The following NCAPG variants were observed in gnomAD, a reference collection of about 807,000 sequenced individuals.
NCAPG encodes condensin complex subunit 3.
In NCAPG, 69 loss-of-function variants were observed where a neutral mutation model predicts 113.1. The ratio of observed to expected loss-of-function variants is 0.61; its 90% confidence interval spans 0.50 to 0.75. NCAPG has a LOEUF of 0.75. NCAPG is among the 30% of genes least tolerant of loss of function. The probability of loss-of-function intolerance (pLI) is 0.00; values close to 1 mark genes in which losing one functional copy is unlikely to be tolerated. For missense variants in NCAPG, 1,058 were observed against 1,177.0 expected (o/e 0.90, Z 1.48); for synonymous variants, 370 against 415.8 (o/e 0.89, Z 1.34).
intron 7 of NCAPG, among the ~76,000 whole-genome samples, chr4:17,819,876 A>C (rs78249498): frequency 0.022 from 3,336 of 152,308 alleles, 58 homozygotes; most frequent in Middle Eastern, 0.041. Context: ...AGTATCTCAA[A>C]TGTGAGCCAG....
chr4:17,819,306 T>G (rs1048163385), intron 7 of NCAPG, among the ~76,000 whole-genome samples: 2 of 152,174 alleles, frequency 1.3e-5, no homozygotes, highest in African/African-American at 2.4e-5. Context: ...TTGGGATTTT[T>G]GGGGGTTAAT....
chr4:17,830,896 C>T, intron 12 of NCAPG, 101 bp from the exon 13 acceptor site: 1 of 1,224,726 alleles, frequency 8.2e-7, no homozygotes, highest in South Asian at 1.5e-5. Context: ...TTAATACTTA[C>T]CTTTTCTTTA....
rs1436545867 is a variant in NCAPG at position 17,840,164 on chromosome 4, G to A, written c.2722G>A (p.Ala908Thr). Reference sequence around the variant, plus strand: ...AGAATTTGGTGACCAAGCTGAAGCAGCACAGGATGCCACCTTGACTACAAC... The same window carrying A: ...AGAATTTGGTGACCAAGCTGAAGCAACACAGGATGCCACCTTGACTACAAC... ...NKEFGDQAEA[A>T]QDATLTTTTF... Residue 908 changes from alanine (A) to threonine (T), a missense_variant, in exon 18 of 21, where the codon GCA (alanine) becomes ACA (threonine). Coordinates refer to ENST00000251496, the MANE Select transcript of NCAPG (RefSeq NM_022346.5). 2.5e-6 allele frequency: 4 copies of A among 1,610,530 alleles called. No individual in the cohort carries two copies. Among genetic ancestry groups the A allele is most frequent in the Non-Finnish European group, 3.4e-6 (4 of 1,178,490 alleles).
chr4:17,840,723 A>G, intron 19 of NCAPG, 30 bp downstream of exon 19: 1 of 1,361,250 alleles, frequency 7.3e-7, no homozygotes, highest in Non-Finnish European at 9.8e-7. Context: ...TCTTTATGAT[A>G]AAAGTTTTAA....
chr4:17,839,536 G>A (rs897044837), intron 16 of NCAPG, 140 bp from the exon 17 acceptor site: 6 of 535,022 alleles, frequency 1.1e-5, no homozygotes, highest in South Asian at 4.8e-5. Flanking sequence ...GGGGTAGGGA[G>A]GATGTTAAAT....
At chr4:17,834,642 A>G in intron 14 of NCAPG, 119 bp downstream of exon 14, 2 of 659,554 alleles carry the variant, frequency 3.0e-6, no homozygotes, top group East Asian at 3.2e-5. Flanking sequence ...CAGAACATAC[A>G]GGTTTGTTAC....
chr4:17,834,638 A>G (rs1722015877), intron 14 of NCAPG, 115 bp downstream of exon 14: 1 of 686,994 alleles, frequency 1.5e-6, no homozygotes, highest in Non-Finnish European at 2.2e-6. Flanking sequence ...TGTGCAGAAC[A>G]TACAGGTTTG....
chr4:17,842,348 A>C lies in NCAPG; in HGVS notation c.2893A>C (p.Arg965=). Residue 965 remains arginine (R), a synonymous_variant, in exon 20 of 21, where the codon AGG becomes CGG. Coordinates refer to ENST00000251496, the MANE Select transcript of NCAPG (RefSeq NM_022346.5). ...GACAGTTTCAGCTAGGACGAACAGG[A>C]GGTGTCAGACTGCTGAAGCCGACTC... The part of the protein sequence containing the change: ...KVTVSARTNR[R]CQTAEADSES... 6.2e-7 allele frequency: 1 copy of C among 1,612,234 alleles called. No homozygotes were observed. Among genetic ancestry groups the C allele is most frequent in the Non-Finnish European group, 8.5e-7 (1 of 1,178,556 alleles).
At chr4:17,834,879 A>G (rs1188374053) in intron 14 of NCAPG, among the ~76,000 whole-genome samples, 1 of 152,190 alleles carries the variant, frequency 6.6e-6, no homozygotes, top group Non-Finnish European at 1.5e-5. Context: ...CCTAACTTTC[A>G]CTATCATACC....
intron 14 of NCAPG, among the ~76,000 whole-genome samples, chr4:17,836,285 C>T (rs1457984653): frequency 1.3e-5 from 2 of 151,960 alleles, no homozygotes; most frequent in Non-Finnish European, 2.9e-5. Context: ...CTGTTCAAGT[C>T]CTTTGCCCAT....
At chr4:17,842,243 A>T in intron 19 of NCAPG, 67 bp from the exon 20 acceptor site, 1 of 1,367,230 alleles carries the variant, frequency 7.3e-7, no homozygotes, top group Non-Finnish European at 1.0e-6. Flanking sequence ...TAGTTAGCCT[A>T]GAAACTAGAT....
chr4:17,836,828 A>G (rs1318871037), intron 14 of NCAPG, among the ~76,000 whole-genome samples: 1 of 151,968 alleles, frequency 6.6e-6, no homozygotes, highest in African/African-American at 2.4e-5. Flanking sequence ...AGGGTTTTCT[A>G]TGTCTTAGAA....
intron 13 of NCAPG, among the ~76,000 whole-genome samples, chr4:17,832,463 G>A (rs1009879186): frequency 6.6e-5 from 10 of 152,130 alleles, no homozygotes; most frequent in East Asian, 1.9e-4. Flanking sequence ...ATGAATTTGC[G>A]TTTTCCTATG....
In NCAPG at chr4:17,811,522, A is replaced by C. The variant is rs530672308; in HGVS notation, c.111+334A>C. 6.7e-6 allele frequency among the ~76,000 whole-genome samples: 1 copy of C among 149,260 alleles called. No homozygotes were observed. The highest frequency in any genetic ancestry group is 2.4e-5 in the African/African-American group (1 of 40,962). Reference sequence around the variant, plus strand: ...AACATTTACGACCACCGAGGCGATCAGACATCAAATATTGAACCGCAGAGT... The same window carrying C: ...AACATTTACGACCACCGAGGCGATCCGACATCAAATATTGAACCGCAGAGT... On this transcript the variant is annotated intron_variant, in intron 1 of 20. Transcript: ENST00000251496. The surrounding 1 kb of genome is among the most constrained non-coding windows in gnomAD (Gnocchi z 5.3).
intron 11 of NCAPG, among the ~76,000 whole-genome samples, chr4:17,826,779 A>G (rs758317844): frequency 6.6e-6 from 1 of 152,208 alleles, no homozygotes; most frequent in Non-Finnish European, 1.5e-5. Context: ...CTGGTAGAGT[A>G]TTGTTGGCTT....
At position 17,818,033 on chromosome 4, in the gene NCAPG, G is replaced by A. The variant is rs149510144; in HGVS notation, c.1063G>A (p.Glu355Lys). ...GAAATCAAAAGGAGATGAAGGTGAAGAATTTTTAGAGCAGATTTTGCCAGA... is the reference window on the plus strand; with the variant it reads ...GAAATCAAAAGGAGATGAAGGTGAAAAATTTTTAGAGCAGATTTTGCCAGA... Reference protein sequence around the residue: ...YLKSKGDEGEEFLEQILPEPV... With the variant: ...YLKSKGDEGEKFLEQILPEPV... The change falls in exon 7 of 21, where the codon GAA becomes AAA. Residue 355 changes from glutamate to lysine, a missense_variant. Glu to Lys is a moderately conservative substitution (Grantham distance 56). Coordinates refer to ENST00000251496, the MANE Select transcript of NCAPG (RefSeq NM_022346.5). 17 of 1,613,464 alleles carry A rather than the reference G, an allele frequency of 1.1e-5. No homozygotes were observed. In the South Asian group the frequency reaches 1.3e-4, roughly 13 times the overall value.
At chr4:17,843,029 C>A (rs1421391708) in intron 20 of NCAPG, 2 of 228,290 alleles carry the variant, frequency 8.8e-6, no homozygotes, top group Non-Finnish European at 1.7e-5. Context: ...TAATTACAAG[C>A]TTCATTACAA....
chr4:17,835,011 T>G (rs955395503), intron 14 of NCAPG, among the ~76,000 whole-genome samples: 2 of 152,170 alleles, frequency 1.3e-5, no homozygotes, highest in Non-Finnish European at 2.9e-5. Flanking sequence ...GACTCTAAGA[T>G]TTATCCCCAA....
chr4:17,842,114 T>TTAAG, intron 19 of NCAPG, 196 bp from the exon 20 acceptor site: 2 of 516,360 alleles, frequency 3.9e-6, no homozygotes, highest in African/African-American at 2.0e-5. Flanking sequence ...ACAAAATAAA[T>TTAAG]TAAGTTTTAA....
Sources: gnomAD v4.1 joint callset for allele counts (sites outside exome capture counted in the v4.1 genomes callset) on GRCh38, gnomAD v4.1.1 for gene constraint, Gnocchi (gnomAD v3.1) non-coding constraint, MANE v1.5 for transcripts, NCBI Gene and HGNC (gene_info 2026-07-23, HGNC 2026-07-21) for gene names.